The following TRAPPC9 variants were observed in gnomAD, a reference collection of about 807,000 sequenced individuals.
TRAPPC9 encodes IKK2 binding protein.
A neutral mutation model predicts 124.0 loss-of-function variants in TRAPPC9; 83 were observed. That is an observed-to-expected ratio of 0.67 (90% CI 0.56 to 0.80). TRAPPC9 has a LOEUF of 0.80. Among genes scored for constraint, TRAPPC9 ranks in the 30% least tolerant of loss-of-function variants. The probability of loss-of-function intolerance (pLI) is 0.00; values close to 1 mark genes in which losing one functional copy is unlikely to be tolerated. For missense variants in TRAPPC9, 1,302 were observed against 1,508.3 expected, an observed-to-expected ratio of 0.86 and a Z score of 2.27; for synonymous variants, 638 against 617.5, an observed-to-expected ratio of 1.03 and a Z score of -0.49.
At chr8:140,280,515 G>A (rs183880336) in intron 14 of TRAPPC9, among the ~76,000 whole-genome samples, 234 of 151,982 alleles carry the variant, frequency 1.5e-3, no homozygotes, top group African/African-American at 5.4e-3. Flanking sequence ...TGCAACCTCC[G>A]CCTCCCAGGT....
rs538608280 is a variant in TRAPPC9, at chr8:139,870,560, T to C, written c.3055+15319A>G. On this transcript the variant is annotated intron_variant, in intron 21 of 22. Coordinates refer to ENST00000438773, the MANE Select transcript of TRAPPC9 (RefSeq NM_001160372.4). Reference sequence around the variant, plus strand: ...TACAGAGTAAATAAAGGAGGATGCATCTGATGCATAGGTTCAAAAGAATGC... The same window carrying C: ...TACAGAGTAAATAAAGGAGGATGCACCTGATGCATAGGTTCAAAAGAATGC... Among the ~76,000 whole-genome samples, 7 of 152,272 alleles carry C rather than the reference T, an allele frequency of 4.6e-5. No homozygotes were observed. In the South Asian group the frequency reaches 1.2e-3, roughly 27 times the overall value.
chr8:139,978,687 GA>G (rs975822628), intron 19 of TRAPPC9, among the ~76,000 whole-genome samples: 3 of 152,208 alleles, frequency 2.0e-5, no homozygotes, highest in Non-Finnish European at 2.9e-5. Flanking sequence ...GCTGTGACGT[GA>G]AAGACCACAC....
chr8:140,210,061 G>A (rs146341338), intron 17 of TRAPPC9, among the ~76,000 whole-genome samples: 49 of 152,298 alleles, frequency 3.2e-4, no homozygotes, highest in African/African-American at 1.1e-3. Context: ...CACTGTCACC[G>A]CGCTAAATCT....
At chr8:139,869,367 G>A (rs1024348166) in intron 21 of TRAPPC9, among the ~76,000 whole-genome samples, 2 of 152,094 alleles carry the variant, frequency 1.3e-5, no homozygotes, top group Non-Finnish European at 2.9e-5. Context: ...ATAATAAAGG[G>A]GACAGCCAAA....
Position 140,446,293 on chromosome 8 carries a change from C to CAAAAAAAAAA in TRAPPC9, c.584+4487_584+4496dup, listed in dbSNP as rs59393001. Among the ~76,000 whole-genome samples, 11 of 110,360 alleles carry CAAAAAAAAAA rather than the reference C, an allele frequency of 1.0e-4. 4 individuals are homozygous for CAAAAAAAAAA. The highest frequency in any genetic ancestry group is 3.6e-5 in the Non-Finnish European group (2 of 54,882). 72.4% of individuals were successfully genotyped at this position (110,360 alleles called of 152,430 possible). A position where few individuals can be genotyped will look rare whatever the true frequency, so the allele number is the denominator to read the frequency against. ...TGGGCGAAAGAGTAAGACTCTGTCTCAAAAAAAAAAAAAAAAAAAGCAGAC... is the reference window on the plus strand; with the variant it reads ...TGGGCGAAAGAGTAAGACTCTGTCTCAAAAAAAAAAAAAAAAAAAAAAAAAAAAAGCAGAC... On this transcript the variant is annotated intron_variant, in intron 2 of 22. Coordinates refer to ENST00000438773, the MANE Select transcript of TRAPPC9 (RefSeq NM_001160372.4).
chr8:140,208,947 G>C (rs936252346), intron 17 of TRAPPC9, among the ~76,000 whole-genome samples: 5 of 152,238 alleles, frequency 3.3e-5, no homozygotes, highest in African/African-American at 9.6e-5. Context: ...TGCAGGACTA[G>C]AGTATGTGTG....
At chr8:139,739,106 C>T (rs1010714789) in intron 21 of TRAPPC9, among the ~76,000 whole-genome samples, 10 of 152,306 alleles carry the variant, frequency 6.6e-5, no homozygotes, top group African/African-American at 2.4e-4. Context: ...GCAACCCTGA[C>T]ATCTCGACCG....
At chr8:140,276,541 T>C (rs1316121348) in intron 14 of TRAPPC9, among the ~76,000 whole-genome samples, 1 of 152,222 alleles carries the variant, frequency 6.6e-6, no homozygotes, top group Non-Finnish European at 1.5e-5. Context: ...GCTCTCAGCC[T>C]GTGAGCCCTC....
Position 139,946,097 on chromosome 8 carries a change from G to C in TRAPPC9, c.2811-35797C>G, listed in dbSNP as rs140804266. Among the ~76,000 whole-genome samples, 364 of 152,324 alleles carry C rather than the reference G, an allele frequency of 2.4e-3. 2 individuals carry two copies. Among genetic ancestry groups the C allele is most frequent in the South Asian group, 9.1e-3 (44 of 4,824 alleles). On this transcript the variant is annotated intron_variant, in intron 19 of 22. Coordinates refer to ENST00000438773, the MANE Select transcript of TRAPPC9 (RefSeq NM_001160372.4). ...ACAAATGTGTGTGGAAATCCCCAAG[G>C]GGGGAGGTGGATATGCGGAATTTTC... is the stretch of plus-strand genomic sequence containing the variant.
intron 22 of TRAPPC9, 41 bp downstream of exon 22, chr8:139,731,938 T>C (rs773570708): frequency 1.3e-6 from 2 of 1,539,134 alleles, no homozygotes; most frequent in Non-Finnish European, 1.8e-6. Context: ...GATGACCACA[T>C]GGCCAGAGGC....
intron 17 of TRAPPC9, among the ~76,000 whole-genome samples, chr8:140,207,933 C>T (rs765249860): frequency 8.5e-5 from 13 of 152,152 alleles, no homozygotes; most frequent in African/African-American, 2.4e-4. Context: ...GGGAGGATCA[C>T]GTGAGGTCAG....
At chr8:139,848,800 T>C (rs1055775199) in intron 21 of TRAPPC9, among the ~76,000 whole-genome samples, 4 of 152,238 alleles carry the variant, frequency 2.6e-5, no homozygotes, top group African/African-American at 9.6e-5. Context: ...CAGCCTTCCC[T>C]TGGCTCAGCG....
chr8:140,090,018 T>G (rs1844460344), intron 17 of TRAPPC9, among the ~76,000 whole-genome samples: 1 of 151,996 alleles, frequency 6.6e-6, no homozygotes, highest in African/African-American at 2.4e-5. Context: ...AGGTGGAGGA[T>G]GCAGTGAGCC....
rs1275775227 is a variant in TRAPPC9 at position 139,744,678 on chromosome 8, A to G, written c.3056-12476T>C. On this transcript the variant is annotated intron_variant, in intron 21 of 22. Coordinates refer to ENST00000438773, the MANE Select transcript of TRAPPC9 (RefSeq NM_001160372.4). ...AATCCACCAAATGGCATGCGTTTTT[A>G]ACAGTTACTGAGGGAGCTAATTAGT... Among the ~76,000 whole-genome samples, 4 of 152,200 alleles carry G rather than the reference A, an allele frequency of 2.6e-5. No homozygotes were observed. The East Asian group carries it at 7.7e-4, about 29-fold the overall frequency.
intron 11 of TRAPPC9, among the ~76,000 whole-genome samples, chr8:140,292,613 G>C (rs995694818): frequency 6.6e-6 from 1 of 152,176 alleles, no homozygotes; most frequent in Non-Finnish European, 1.5e-5. Flanking sequence ...TGTTGACATT[G>C]CATAAATTCC....
chr8:139,845,298 C>T (rs982656373), intron 21 of TRAPPC9, among the ~76,000 whole-genome samples: 3 of 152,122 alleles, frequency 2.0e-5, no homozygotes, highest in Non-Finnish European at 4.4e-5. Context: ...CCCAGGCTGG[C>T]AGTCAATAGA....
intron 17 of TRAPPC9, among the ~76,000 whole-genome samples, chr8:140,033,506 C>A (rs7000659): frequency 0.76 from 115,706 of 151,312 alleles, 45,155 homozygotes; most frequent in African/African-American, 0.93. Flanking sequence ...CTCGGAGAAG[C>A]CACAAAAAGC....
intron 7 of TRAPPC9, among the ~76,000 whole-genome samples, chr8:140,393,640 G>A (rs1197865692): frequency 6.6e-6 from 1 of 152,150 alleles, no homozygotes; most frequent in African/African-American, 2.4e-5. Flanking sequence ...TATTTGCACA[G>A]GGATTCTTAA....
chr8:140,092,148 A>C (rs1165877867), intron 17 of TRAPPC9, among the ~76,000 whole-genome samples: 1 of 151,030 alleles, frequency 6.6e-6, no homozygotes. Context: ...GTACTCTACT[A>C]ATAAAAGACA....
Sources: allele counts gnomAD v4.1 joint callset (sites outside exome capture counted in the v4.1 genomes callset), GRCh38; gene constraint gnomAD v4.1.1; transcripts MANE v1.5; gene names NCBI Gene and HGNC (gene_info 2026-07-23, HGNC 2026-07-21).